Variants in SHISA9 observed in about 807,000 individuals in gnomAD.
SHISA9 encodes shisa family member 9.
A neutral mutation model predicts 38.0 loss-of-function variants in SHISA9; 13 were observed. That is an observed-to-expected ratio of 0.34 (90% confidence interval 0.22 to 0.54). The LOEUF (loss-of-function observed/expected upper bound fraction) is 0.54. SHISA9 is among the 20% of genes least tolerant of loss of function. The probability of loss-of-function intolerance (pLI) is 0.91; values close to 1 mark genes in which losing one functional copy is unlikely to be tolerated. For missense variants in SHISA9, 538 were observed against 575.8 expected (o/e 0.93, Z 0.67); for synonymous variants, 275 against 242.0 (o/e 1.14, Z -1.27).
At chr16:13,351,709 A>G in the SHISA9 span, among the ~76,000 whole-genome samples, 3 of 152,322 alleles carry the variant, frequency 2.0e-5, no homozygotes, top group African/African-American at 7.2e-5. Context: ...ATCTGTCTCT[A>G]TATCTGCAAA....
the SHISA9 span, among the ~76,000 whole-genome samples, chr16:13,259,692 G>T: frequency 9.9e-5 from 15 of 152,208 alleles, no homozygotes; most frequent in Admixed American, 2.0e-4. Context: ...AAGGCTTGAG[G>T]CTTCCACCCT....
At chr16:13,267,022 C>T in the SHISA9 span, among the ~76,000 whole-genome samples, 1 of 152,066 alleles carries the variant, frequency 6.6e-6, no homozygotes, top group Non-Finnish European at 1.5e-5. Flanking sequence ...GAAGATTTAT[C>T]AAGTTGCTGA....
the SHISA9 span, among the ~76,000 whole-genome samples, chr16:13,407,783 G>GA: frequency 7.9e-5 from 12 of 152,146 alleles, no homozygotes; most frequent in East Asian, 2.3e-3. Context: ...CCTCCCTGAT[G>GA]AAAAAAAGAA....
chr16:12,968,239 G>C (rs1034563197), intron 2 of SHISA9, among the ~76,000 whole-genome samples: 1 of 138,586 alleles, frequency 7.2e-6, no homozygotes, highest in Admixed American at 7.4e-5. Context: ...CAGAGCTCAG[G>C]CTACATATAT....
chr16:13,544,429 G>GTTTTTTTTTTTTTTTTTTT, the SHISA9 span, among the ~76,000 whole-genome samples: 4 of 102,114 alleles, frequency 3.9e-5, no homozygotes, highest in African/African-American at 1.6e-4. Context: ...TTTTTTTCTT[G>GTTTTTTTTTTTTTTTTTTT]TTTTTTTTTT....
At chr16:13,233,671 C>T (rs2051353566) in intron 4 of SHISA9, among the ~76,000 whole-genome samples, 1 of 152,168 alleles carries the variant, frequency 6.6e-6, no homozygotes, top group South Asian at 2.1e-4. Context: ...CAGGATGTGG[C>T]CAGATTTGGC....
chr16:13,101,504 C>G (rs2073878534), intron 2 of SHISA9, among the ~76,000 whole-genome samples: 1 of 152,160 alleles, frequency 6.6e-6, no homozygotes, highest in Admixed American at 6.5e-5. Flanking sequence ...GCCAGGTAAC[C>G]AAACTGAAGG....
chr16:13,259,475 T>G, the SHISA9 span, among the ~76,000 whole-genome samples: 1 of 152,188 alleles, frequency 6.6e-6, no homozygotes, highest in African/African-American at 2.4e-5. Context: ...AGCCCCCAAG[T>G]AGGGACTCTG....
Position 13,235,669 on chromosome 16 carries a change from C to T in SHISA9, c.*260C>T, listed in dbSNP as rs2051376828. The T allele has an allele frequency of 2.2e-6, 1 of 457,854 alleles. No individual in the cohort carries two copies. The highest frequency in any genetic ancestry group is 4.0e-5 in the Admixed American group (1 of 25,264). 28.4% of individuals were successfully genotyped at this position (457,854 alleles called of 1,614,324 possible). On this transcript the variant is annotated 3_prime_UTR_variant, in exon 5 of 5. Transcript: ENST00000558583. ...AGGGGAAAATGAGGCACACTCTTTC[C>T]ACTTCAGGCCCAAGATGGCCAACTC...
intron 2 of SHISA9, among the ~76,000 whole-genome samples, chr16:13,158,832 G>A (rs1395379585): frequency 6.6e-5 from 10 of 151,568 alleles, no homozygotes; most frequent in African/African-American, 7.3e-5. Flanking sequence ...TGAGGTGGGC[G>A]GATCACGAGG....
the SHISA9 span, among the ~76,000 whole-genome samples, chr16:13,285,933 T>C: frequency 6.6e-6 from 1 of 152,162 alleles, no homozygotes; most frequent in African/African-American, 2.4e-5. Context: ...AGTCATGTGC[T>C]TTATGAAAGG....
intron 2 of SHISA9, among the ~76,000 whole-genome samples, chr16:13,028,863 T>C (rs2072957103): frequency 6.6e-6 from 1 of 152,178 alleles, no homozygotes; most frequent in African/African-American, 2.4e-5. Context: ...GATTAGATCA[T>C]GTTCTGGAGC....
At chr16:12,930,733 T>C (rs1288133199) in intron 2 of SHISA9, among the ~76,000 whole-genome samples, 1 of 152,226 alleles carries the variant, frequency 6.6e-6, no homozygotes, top group Admixed American at 6.5e-5. Context: ...GGTCACAATA[T>C]TGATTTTAGT....
chr16:13,378,946 T>C, the SHISA9 span, among the ~76,000 whole-genome samples: 113 of 152,328 alleles, frequency 7.4e-4, no homozygotes, highest in South Asian at 3.9e-3. Context: ...TTCAGCAAAA[T>C]ACACAGTAAG....
the SHISA9 span, among the ~76,000 whole-genome samples, chr16:13,263,536 A>T: frequency 2.6e-4 from 40 of 152,294 alleles, no homozygotes; most frequent in African/African-American, 9.4e-4. Context: ...CATGATTGTA[A>T]GCTTCTTGAG....
At chr16:13,323,490 G>C in the SHISA9 span, among the ~76,000 whole-genome samples, 29 of 152,130 alleles carry the variant, frequency 1.9e-4, no homozygotes, top group African/African-American at 7.0e-4. Flanking sequence ...TGGATGTTTG[G>C]CTGTTTGTCC....
At chr16:12,979,895 G>A (rs978501039) in intron 2 of SHISA9, among the ~76,000 whole-genome samples, 3 of 151,668 alleles carry the variant, frequency 2.0e-5, no homozygotes, top group South Asian at 2.1e-4. Flanking sequence ...TCTTTACTAC[G>A]ACTTCTTTTA....
chr16:12,967,679 A>G (rs75710120), intron 2 of SHISA9, among the ~76,000 whole-genome samples: 1 of 152,078 alleles, frequency 6.6e-6, no homozygotes, highest in South Asian at 2.1e-4. Flanking sequence ...AAAAAAAAAA[A>G]GAAATACTCT....
the SHISA9 span, among the ~76,000 whole-genome samples, chr16:13,351,480 T>C: frequency 7.2e-5 from 11 of 152,236 alleles, no homozygotes; most frequent in East Asian, 1.4e-3. Flanking sequence ...AGGTTGAACA[T>C]GCAAAGGAAG....
Sources: gnomAD v4.1 joint callset for allele counts (sites outside exome capture counted in the v4.1 genomes callset) on GRCh38, gnomAD v4.1.1 for gene constraint, MANE v1.5 for transcripts, NCBI Gene and HGNC (gene_info 2026-07-23, HGNC 2026-07-21) for gene names.